Variants in CACNA2D1 observed in about 807,000 individuals in gnomAD.
CACNA2D1 encodes calcium voltage-gated channel auxiliary subunit alpha2delta 1, also known as voltage-dependent calcium channel subunit alpha-2/delta-1.
A neutral mutation model predicts 171.5 loss-of-function variants in CACNA2D1; 53 were observed. The observed-to-expected ratio is 0.31, with a 90% CI of 0.25 to 0.39. The LOEUF (loss-of-function observed/expected upper bound fraction) is 0.39. Among genes scored for constraint, CACNA2D1 ranks in the 10% least tolerant of loss-of-function variants. The pLI, the probability that CACNA2D1 is intolerant of heterozygous loss-of-function variation, is 1.00. For missense variants in CACNA2D1, 903 were observed against 1,299.8 expected, an observed-to-expected ratio of 0.69 and a Z score of 4.69; for synonymous variants, 442 against 443.1, an observed-to-expected ratio of 1.00 and a Z score of 0.03.
intron 4 of CACNA2D1, among the ~76,000 whole-genome samples, chr7:82,157,898 G>T (rs944969961): frequency 6.6e-6 from 1 of 151,812 alleles, no homozygotes; most frequent in African/African-American, 2.4e-5. Flanking sequence ...GAGTTCTAAG[G>T]TAACAAACTC....
intron 3 of CACNA2D1, among the ~76,000 whole-genome samples, chr7:82,211,745 A>G (rs115444805): frequency 0.011 from 1,628 of 152,308 alleles, 27 homozygotes; most frequent in African/African-American, 0.037. Context: ...CTGCTTGGTC[A>G]AATGGTAGTT....
intron 3 of CACNA2D1, among the ~76,000 whole-genome samples, chr7:82,228,326 A>G (rs1419460699): frequency 2.0e-5 from 3 of 152,186 alleles, no homozygotes; most frequent in African/African-American, 7.2e-5. Context: ...AAATAAGGTG[A>G]TAATAGGCTG....
rs200745853 is a variant in CACNA2D1, at chr7:82,443,339, G to GCTC, written c.95+23_95+25dup. On this transcript the variant is annotated intron_variant, in intron 1 of 38. Transcript: ENST00000356860. ...ACTCCCGCGGCGCCCCTCGGCCGGC[G>GCTC]CTCCCTGCCCGGCCCGCCGACTTAC... 5,661 of 1,584,746 alleles carry GCTC rather than the reference G, an allele frequency of 3.6e-3. 165 individuals carry two copies. The African/African-American group carries it at 0.069, about 19-fold the overall frequency.
intron 14 of CACNA2D1, 60 bp downstream of exon 14, chr7:82,013,401 A>C (rs558744442): frequency 2.6e-6 from 2 of 762,166 alleles, no homozygotes; most frequent in East Asian, 8.6e-5. Context: ...AGCATATTTA[A>C]ACCAGAAAAA....
intron 1 of CACNA2D1, among the ~76,000 whole-genome samples, chr7:82,358,598 A>G (rs1400466903): frequency 1.3e-5 from 2 of 152,164 alleles, no homozygotes; most frequent in African/African-American, 4.8e-5. Context: ...AAGGTAAAGT[A>G]CTTGAGAGTA....
chr7:82,352,408 G>C (rs1023791182), intron 1 of CACNA2D1, among the ~76,000 whole-genome samples: 2 of 152,124 alleles, frequency 1.3e-5, no homozygotes, highest in Non-Finnish European at 2.9e-5. Flanking sequence ...TAATCGCTAA[G>C]CACTGTTTTA....
At chr7:82,112,082 T>G (rs1253068211) in intron 6 of CACNA2D1, among the ~76,000 whole-genome samples, 1 of 152,104 alleles carries the variant, frequency 6.6e-6, no homozygotes, top group Non-Finnish European at 1.5e-5. Context: ...AACTCTATAG[T>G]TTCTGCCTAA....
chr7:82,057,759 C>G (rs1806123916), intron 10 of CACNA2D1, among the ~76,000 whole-genome samples: 1 of 152,044 alleles, frequency 6.6e-6, no homozygotes, highest in African/African-American at 2.4e-5. Flanking sequence ...TTCATAGGCC[C>G]CAGGAGGAGT....
At chr7:82,066,591 T>C in intron 7 of CACNA2D1, 67 bp from the exon 8 acceptor site, 1 of 1,522,988 alleles carries the variant, frequency 6.6e-7, no homozygotes, top group Non-Finnish European at 8.8e-7. Context: ...ATAATGAGAC[T>C]TTAAAAATCA....
intron 10 of CACNA2D1, among the ~76,000 whole-genome samples, chr7:82,053,146 G>C (rs1805395222): frequency 6.6e-6 from 1 of 151,592 alleles, no homozygotes; most frequent in African/African-American, 2.4e-5. Flanking sequence ...CAGCTACTCA[G>C]GAGGCTGAGG....
intron 1 of CACNA2D1, among the ~76,000 whole-genome samples, chr7:82,356,602 A>G (rs1179454692): frequency 1.3e-5 from 2 of 152,188 alleles, no homozygotes; most frequent in African/African-American, 4.8e-5. Context: ...TAGCAGACAC[A>G]TAAGTATTTA....
intron 3 of CACNA2D1, among the ~76,000 whole-genome samples, chr7:82,288,612 A>G (rs2129391191): frequency 6.6e-6 from 1 of 152,274 alleles, no homozygotes; most frequent in Non-Finnish European, 1.5e-5. Flanking sequence ...CCATATCTGT[A>G]AGGAATCTGA....
At chr7:82,341,752 T>C (rs1425694864) in intron 2 of CACNA2D1, among the ~76,000 whole-genome samples, 1 of 152,126 alleles carries the variant, frequency 6.6e-6, no homozygotes, top group Non-Finnish European at 1.5e-5. Context: ...ATTAATGTCA[T>C]TTTTAAAAAT....
intron 1 of CACNA2D1, among the ~76,000 whole-genome samples, chr7:82,357,397 T>C (rs1317783377): frequency 1.3e-5 from 2 of 152,226 alleles, no homozygotes; most frequent in East Asian, 3.9e-4. Context: ...TGTGCATAGT[T>C]ATCTATTTAA....
intron 3 of CACNA2D1, among the ~76,000 whole-genome samples, chr7:82,187,210 G>A (rs1797868930): frequency 1.3e-5 from 2 of 152,082 alleles, no homozygotes; most frequent in Non-Finnish European, 2.9e-5. Flanking sequence ...TGAAATCTGT[G>A]TCTCTACCTT....
At chr7:82,301,744 C>G (rs978608658) in intron 3 of CACNA2D1, among the ~76,000 whole-genome samples, 4 of 144,504 alleles carry the variant, frequency 2.8e-5, no homozygotes, top group African/African-American at 1.1e-4. Context: ...CACACACACA[C>G]ACACACACAC....
At chr7:82,389,067 G>C (rs1289157294) in intron 1 of CACNA2D1, among the ~76,000 whole-genome samples, 2 of 150,998 alleles carry the variant, frequency 1.3e-5, no homozygotes, top group Non-Finnish European at 2.9e-5. Flanking sequence ...AGTGAGCCGA[G>C]ATGCCGCCAC....
intron 7 of CACNA2D1, among the ~76,000 whole-genome samples, chr7:82,071,550 T>G (rs1414255738): frequency 1.3e-5 from 2 of 152,144 alleles, no homozygotes; most frequent in Admixed American, 6.6e-5. Flanking sequence ...TGGAGAGAAC[T>G]GCGTGTGACC....
In CACNA2D1 at chr7:81,998,090, C is replaced by T. The variant is rs545655061; in HGVS notation, c.1591-840G>A. Among the ~76,000 whole-genome samples the T allele has an allele frequency of 4.0e-5, 6 of 151,852 alleles. No homozygotes were observed. In the South Asian group the frequency reaches 1.2e-3, roughly 32 times the overall value. The stretch of plus-strand genomic sequence containing the variant: ...TGATATTATTTTAATGTCTCAATTG[C>T]AAAATGAAGATTCATTGAACTATTT... On this transcript the variant is annotated intron_variant, in intron 18 of 38. Coordinates refer to ENST00000356860, the MANE Select transcript of CACNA2D1 (RefSeq NM_000722.4).
Sources: gnomAD v4.1 joint callset for allele counts (sites outside exome capture counted in the v4.1 genomes callset) on GRCh38, gnomAD v4.1.1 for gene constraint, MANE v1.5 for transcripts, NCBI Gene and HGNC (gene_info 2026-07-23, HGNC 2026-07-21) for gene names.